SGCD: variants seen among roughly 807,000 people sequenced by gnomAD.
SGCD encodes sarcoglycan delta.
A neutral mutation model predicts 36.6 loss-of-function variants in SGCD; 18 were observed. That is an observed-to-expected ratio of 0.49 (90% CI 0.34 to 0.73). SGCD has a LOEUF of 0.73. SGCD is among the 30% of genes least tolerant of loss of function. SGCD has a pLI of 0.01. For synonymous variants in SGCD, 133 were observed against 130.6 expected (o/e 1.02, Z -0.12); for missense variants, 387 against 346.7 (o/e 1.12, Z -0.92).
chr5:156,006,237 A>C (rs1249471208), intron 1 of SGCD, among the ~76,000 whole-genome samples: 2 of 152,130 alleles, frequency 1.3e-5, no homozygotes, highest in East Asian at 3.9e-4. Context: ...CTAATATTTC[A>C]CCCTATTTTC....
At chr5:156,552,113 A>G (rs951328384) in intron 4 of SGCD, among the ~76,000 whole-genome samples, 2 of 152,166 alleles carry the variant, frequency 1.3e-5, no homozygotes, top group African/African-American at 2.4e-5. Flanking sequence ...AGGATTTGCT[A>G]TTCAAATTTG....
upstream of SGCD, among the ~76,000 whole-genome samples, chr5:156,325,958 C>T (rs963432927): frequency 5.9e-5 from 9 of 152,204 alleles, no homozygotes; most frequent in Non-Finnish European, 1.2e-4. Context: ...CTTACAACAT[C>T]CCCTCAAGAA....
intron 3 of SGCD, among the ~76,000 whole-genome samples, chr5:156,211,539 C>T (rs1203082552): frequency 1.3e-5 from 2 of 148,912 alleles, no homozygotes; most frequent in African/African-American, 5.0e-5. Flanking sequence ...ACCTGGGAGG[C>T]GGAGCCTGCA....
At chr5:156,574,355 G>A (rs1031925003) in intron 4 of SGCD, among the ~76,000 whole-genome samples, 28 of 152,086 alleles carry the variant, frequency 1.8e-4, no homozygotes, top group African/African-American at 6.3e-4. Context: ...AAGTCCAGAG[G>A]TACAAACATG....
chr5:156,347,508 C>T (rs1769012210), intron 3 of SGCD, among the ~76,000 whole-genome samples: 1 of 152,070 alleles, frequency 6.6e-6, no homozygotes, highest in Admixed American at 6.5e-5. Context: ...TGGAAGATTT[C>T]TGGTTTTAGG....
At chr5:155,794,315 CA>C in the SGCD span, among the ~76,000 whole-genome samples, 5 of 150,766 alleles carry the variant, frequency 3.3e-5, no homozygotes, top group East Asian at 1.9e-4. Context: ...TATTACTGAC[CA>C]AAAAAAATCA....
At chr5:156,642,593 C>A (rs1436858487) in intron 6 of SGCD, among the ~76,000 whole-genome samples, 1 of 151,538 alleles carries the variant, frequency 6.6e-6, no homozygotes, top group African/African-American at 2.4e-5. Context: ...CTCAGCCTCC[C>A]AAGTAGTTGA....
At chr5:156,273,813 A>G (rs2127670728) in intron 3 of SGCD, among the ~76,000 whole-genome samples, 1 of 152,310 alleles carries the variant, frequency 6.6e-6, no homozygotes, top group Middle Eastern at 3.4e-3. Context: ...TTTTTAAAAA[A>G]AGTCCTTGTA....
At chr5:155,960,202 T>G (rs777718374) in intron 1 of SGCD, among the ~76,000 whole-genome samples, 17 of 152,170 alleles carry the variant, frequency 1.1e-4, no homozygotes, top group Non-Finnish European at 2.4e-4. Flanking sequence ...TACACCACTC[T>G]TTTCTTGCTC....
chr5:156,137,317 G>A (rs1468373810), intron 3 of SGCD, among the ~76,000 whole-genome samples: 3 of 152,200 alleles, frequency 2.0e-5, no homozygotes, highest in Non-Finnish European at 4.4e-5. Context: ...CCACAGTCTT[G>A]TGGGAAAACA....
Position 156,229,613 on chromosome 5 carries a change from T to C in SGCD, c.-43-99921T>C, listed in dbSNP as rs114171113. ...GCTCTTAAGATTCTTTTATTTGTCT[T>C]AACTTTAGATAACCTGATGACAATG... On this transcript the variant is annotated intron_variant, in intron 3 of 9. Coordinates refer to the SGCD transcript ENST00000517913. 6.9e-3 allele frequency among the ~76,000 whole-genome samples: 1,053 copies of C among 152,154 alleles called. 11 individuals carry two copies. Among genetic ancestry groups the C allele is most frequent in the African/African-American group, 0.024 (994 of 41,518 alleles).
intron 7 of SGCD, among the ~76,000 whole-genome samples, chr5:156,695,250 A>G (rs1475416940): frequency 6.6e-6 from 1 of 152,012 alleles, no homozygotes; most frequent in Non-Finnish European, 1.5e-5. Flanking sequence ...GGTATTTTTT[A>G]GATGAGACTA....
intron 1 of SGCD, among the ~76,000 whole-genome samples, chr5:155,964,607 G>A (rs574159398): frequency 3.3e-5 from 5 of 152,084 alleles, no homozygotes; most frequent in Admixed American, 6.6e-5. Flanking sequence ...AATTACAGGC[G>A]TGAGCCACCA....
the SGCD span, among the ~76,000 whole-genome samples, chr5:155,816,798 A>G: frequency 2.0e-5 from 3 of 152,176 alleles, no homozygotes; most frequent in Non-Finnish European, 4.4e-5. Flanking sequence ...AATAGTATAA[A>G]AACAATTAGA....
chr5:155,729,413 G>A, the SGCD span, among the ~76,000 whole-genome samples: 8 of 152,242 alleles, frequency 5.3e-5, no homozygotes, highest in African/African-American at 9.6e-5. Flanking sequence ...TATTAAAGAA[G>A]TGTGTGTGTG....
chr5:156,052,800 T>C (rs879846378), intron 1 of SGCD, among the ~76,000 whole-genome samples: 1 of 146,562 alleles, frequency 6.8e-6, no homozygotes, highest in East Asian at 1.9e-4. Context: ...GATGGTGTTT[T>C]ATTTGCTGCT....
the SGCD span, among the ~76,000 whole-genome samples, chr5:155,811,163 G>A: frequency 6.6e-6 from 1 of 152,052 alleles, no homozygotes; most frequent in Non-Finnish European, 1.5e-5. Flanking sequence ...CTAGATTGCA[G>A]GTCCCAAGGA....
At chr5:156,288,821 G>A (rs1766684136) in intron 3 of SGCD, among the ~76,000 whole-genome samples, 1 of 152,110 alleles carries the variant, frequency 6.6e-6, no homozygotes, top group Non-Finnish European at 1.5e-5. Context: ...AAGTCCGTAG[G>A]ATCTAGACAC....
intron 7 of SGCD, among the ~76,000 whole-genome samples, chr5:156,657,391 C>A (rs1487934539): frequency 8.1e-6 from 1 of 124,158 alleles, no homozygotes; most frequent in African/African-American, 3.0e-5. Flanking sequence ...TGCTATCCCT[C>A]CCCCCTCCCC....
Sources: gnomAD v4.1 joint callset for allele counts (sites outside exome capture counted in the v4.1 genomes callset) on GRCh38, gnomAD v4.1.1 for gene constraint, MANE v1.5 for transcripts, NCBI Gene and HGNC (gene_info 2026-07-23, HGNC 2026-07-21) for gene names.